CDC42BPB: variants seen among roughly 807,000 people sequenced by gnomAD.
CDC42BPB encodes the protein serine/threonine-protein kinase MRCK beta.
Under a neutral mutation model 214.9 loss-of-function variants are expected in CDC42BPB, and 37 were observed. That is an observed-to-expected ratio of 0.17 (90% confidence interval 0.13 to 0.23). The LOEUF is 0.23. CDC42BPB is among the 10% of genes least tolerant of loss of function. The pLI is 1.00. For missense variants in CDC42BPB, 1,694 were observed against 2,227.0 expected, an observed-to-expected ratio of 0.76 and a Z score of 4.82; for synonymous variants, 931 against 884.0, an observed-to-expected ratio of 1.05 and a Z score of -0.94.
At chr14:103,037,180 GC>G (rs1403252994) in intron 1 of CDC42BPB, among the ~76,000 whole-genome samples, 1 of 152,166 alleles carries the variant, frequency 6.6e-6, no homozygotes. Flanking sequence ...ACTAGAACAT[GC>G]TTTAAAATAA....
chr14:102,976,954 TG>T (rs1198270057), intron 9 of CDC42BPB, among the ~76,000 whole-genome samples: 2 of 152,120 alleles, frequency 1.3e-5, no homozygotes, highest in Non-Finnish European at 2.9e-5. Context: ...AAGCCTCCTG[TG>T]GGCTGGAAGA....
chr14:103,031,619 G>T (rs577763354), intron 1 of CDC42BPB, among the ~76,000 whole-genome samples: 2 of 152,298 alleles, frequency 1.3e-5, no homozygotes, highest in African/African-American at 4.8e-5. Flanking sequence ...TTTCCAATTT[G>T]GGATGAGCCT....
rs758762354 is a variant in CDC42BPB, at chr14:102,970,238, A to G, written c.1908T>C (p.Ala636=). 4 of 1,613,342 alleles carry G rather than the reference A, an allele frequency of 2.5e-6. No homozygotes were observed. Among genetic ancestry groups the G allele is most frequent in the Non-Finnish European group, 1.7e-6 (2 of 1,179,722 alleles). The change falls in exon 14 of 37, where the codon GCT becomes GCC. Residue 636 remains alanine (A), a synonymous_variant. Transcript: ENST00000361246. ...TGCGCTCCTTGGAGGCCTCAGCAAC[A>G]GCATCATCAAGCTGAGCTTCCAGCT... ...RKELEAQLDD[A]VAEASKERKL...
At chr14:103,007,980 G>A (rs1281225467) in intron 3 of CDC42BPB, among the ~76,000 whole-genome samples, 1 of 152,192 alleles carries the variant, frequency 6.6e-6, no homozygotes, top group East Asian at 1.9e-4. Flanking sequence ...TGTAGAGGTG[G>A]GGTCAGAGGC....
At chr14:103,040,867 T>G (rs980281588) in intron 1 of CDC42BPB, among the ~76,000 whole-genome samples, 2 of 152,192 alleles carry the variant, frequency 1.3e-5, no homozygotes, top group Non-Finnish European at 2.9e-5. Context: ...GACCTACAGA[T>G]TCAATGAAAT....
chr14:103,053,301 C>G (rs987279176), intron 1 of CDC42BPB, among the ~76,000 whole-genome samples: 7 of 151,658 alleles, frequency 4.6e-5, no homozygotes, highest in Non-Finnish European at 1.0e-4. Flanking sequence ...GAGCCAAGAT[C>G]GCACCACTGC....
chr14:103,022,733 A>G (rs1247218375), intron 1 of CDC42BPB, among the ~76,000 whole-genome samples: 1 of 152,210 alleles, frequency 6.6e-6, no homozygotes, highest in African/African-American at 2.4e-5. Context: ...AGTGTTAACA[A>G]TAAACCATAA....
At chr14:102,978,051 G>C (rs1893836867) in intron 9 of CDC42BPB, 75 bp downstream of exon 9, 1 of 1,173,192 alleles carries the variant, frequency 8.5e-7, no homozygotes, top group African/African-American at 1.5e-5. Flanking sequence ...CGCCCCCAGG[G>C]ACAGACTGTG....
Position 103,057,485 on chromosome 14 carries a change from C to G in CDC42BPB, c.-312G>C, listed in dbSNP as rs1889054790. On this transcript the variant is annotated 5_prime_UTR_variant, in exon 1 of 37. Transcript: ENST00000361246. ...CCCGCGGCCGCGCCCTCCCCGCCGC[C>G]GCCGCCGCAGACTAGGAGCGGCGAG... 5.1e-6 allele frequency: 1 copy of G among 197,702 alleles called. No individual in the cohort carries two copies. Among genetic ancestry groups the G allele is most frequent in the Non-Finnish European group, 8.9e-6 (1 of 112,184 alleles). The allele number at this position is 197,702 out of a possible 1,614,324, so 12.2% of individuals were successfully genotyped here.
At chr14:103,023,488 G>A (rs1886881556) in intron 1 of CDC42BPB, among the ~76,000 whole-genome samples, 1 of 151,940 alleles carries the variant, frequency 6.6e-6, no homozygotes, top group Non-Finnish European at 1.5e-5. Context: ...TTTATTTTTT[G>A]TAGACACGGG....
chr14:102,991,449 A>T (rs1247023034), intron 5 of CDC42BPB, among the ~76,000 whole-genome samples: 1 of 152,280 alleles, frequency 6.6e-6, no homozygotes, highest in Non-Finnish European at 1.5e-5. Context: ...AGACATGACA[A>T]TAAATGCAAC....
chr14:103,049,609 C>G (rs965322481), intron 1 of CDC42BPB, among the ~76,000 whole-genome samples: 1 of 152,204 alleles, frequency 6.6e-6, no homozygotes, highest in Non-Finnish European at 1.5e-5. Flanking sequence ...CCCAGTAGTA[C>G]CGCTTAGTTT....
intron 24 of CDC42BPB, among the ~76,000 whole-genome samples, 157 bp downstream of exon 24, chr14:102,952,340 AC>A (rs1406069757): frequency 6.6e-6 from 1 of 151,722 alleles, no homozygotes; most frequent in African/African-American, 2.4e-5. Flanking sequence ...CTATCTCCCC[AC>A]TCCCCCTAAA....
At position 102,933,694 on chromosome 14, in the gene CDC42BPB, T is replaced by G; in HGVS notation, c.*18A>C. On this transcript the variant is annotated 3_prime_UTR_variant, in exon 37 of 37. Transcript: ENST00000361246. Reference sequence around the variant, plus strand: ...AGGCCATCTCCAGCTCCCTGGCCCCTGTGGCGAGCTGGCGGCTTCAGGTGT... The same window carrying G: ...AGGCCATCTCCAGCTCCCTGGCCCCGGTGGCGAGCTGGCGGCTTCAGGTGT... The G allele has an allele frequency of 1.4e-6, 2 of 1,443,502 alleles. No homozygotes were observed. The highest frequency in any genetic ancestry group is 1.8e-6 in the Non-Finnish European group (2 of 1,111,484). 89.4% of individuals were successfully genotyped at this position (1,443,502 alleles called of 1,614,324 possible).
intron 24 of CDC42BPB, 88 bp from the exon 25 acceptor site, chr14:102,950,690 A>C (rs1892447884): frequency 7.2e-7 from 1 of 1,394,880 alleles, no homozygotes; most frequent in East Asian, 2.9e-5. Flanking sequence ...GCAATTTAAT[A>C]ATCACCAGGT....
intron 1 of CDC42BPB, among the ~76,000 whole-genome samples, chr14:103,032,557 GGAGA>G (rs965441623): frequency 1.6e-5 from 2 of 128,454 alleles, no homozygotes; most frequent in African/African-American, 2.9e-5. Context: ...AAAAAAAAAA[GGAGA>G]GAGAAAGAGC....
At chr14:102,941,993 T>C (rs1013137680) in intron 30 of CDC42BPB, among the ~76,000 whole-genome samples, 3 of 152,228 alleles carry the variant, frequency 2.0e-5, no homozygotes, top group African/African-American at 7.2e-5. Context: ...GAACTTCAGG[T>C]GTCTACGCCA....
Position 102,944,946 on chromosome 14 carries a change from G to A in CDC42BPB, c.3812-459C>T, listed in dbSNP as rs1026520509. Among the ~76,000 whole-genome samples the A allele has an allele frequency of 6.6e-6, 1 of 152,138 alleles. No individual in the cohort carries two copies. Among genetic ancestry groups the A allele is most frequent in the Admixed American group, 6.5e-5 (1 of 15,282 alleles). On this transcript the variant is annotated intron_variant, in intron 29 of 36. Coordinates refer to ENST00000361246, the MANE Select transcript of CDC42BPB (RefSeq NM_006035.4). The surrounding 1 kb of genome is among the most constrained non-coding windows in gnomAD (Gnocchi z 6.6). ...ACCCTGAGACAAATCCTCTGAAGAC[G>A]CTGCCCTCACAGGGCCCCCAGTGAA...
chr14:102,954,487 T>C, intron 22 of CDC42BPB, 115 bp downstream of exon 22: 1 of 1,379,456 alleles, frequency 7.2e-7, no homozygotes, highest in African/African-American at 1.4e-5. Context: ...CTTGAGCACC[T>C]GGGCAGAGGC....
Sources: allele counts gnomAD v4.1 joint callset (sites outside exome capture counted in the v4.1 genomes callset), GRCh38; gene constraint gnomAD v4.1.1; non-coding constraint Gnocchi (gnomAD v3.1); transcripts MANE v1.5; gene names NCBI Gene and HGNC (gene_info 2026-07-23, HGNC 2026-07-21).